Variants in GMDS observed in about 807,000 individuals in gnomAD.
GMDS encodes GDP-mannose 4,6 dehydratase.
Under a neutral mutation model 49.9 loss-of-function variants are expected in GMDS, and 20 were observed. The ratio of observed to expected loss-of-function variants is 0.40; its 90% CI spans 0.28 to 0.58. GMDS has a LOEUF of 0.58. Ranked by LOEUF, GMDS falls within the 20% of genes least tolerant of loss-of-function variation. GMDS has a pLI of 0.42. For synonymous variants in GMDS, 177 were observed against 178.6 expected (o/e 0.99, Z 0.07); for missense variants, 362 against 481.4 (o/e 0.75, Z 2.32).
intron 7 of GMDS, among the ~76,000 whole-genome samples, chr6:1,751,685 G>T (rs1293966083): frequency 1.4e-4 from 21 of 152,130 alleles, no homozygotes; most frequent in Non-Finnish European, 1.5e-5. Context: ...GTAGAGATGA[G>T]GTTTCACCAT....
chr6:1,944,429 T>C (rs1449196809), intron 6 of GMDS, among the ~76,000 whole-genome samples: 9 of 131,694 alleles, frequency 6.8e-5, no homozygotes, highest in South Asian at 4.9e-4. Context: ...GGCGTGAATC[T>C]GGGAGGCAGA....
At chr6:2,027,544 T>G (rs1768675449) in intron 4 of GMDS, among the ~76,000 whole-genome samples, 1 of 152,054 alleles carries the variant, frequency 6.6e-6, no homozygotes, top group Admixed American at 6.6e-5. Flanking sequence ...GGAAGAGAAA[T>G]CATCAACATA....
intron 7 of GMDS, among the ~76,000 whole-genome samples, chr6:1,829,212 G>A (rs959675131): frequency 3.9e-5 from 6 of 152,100 alleles, no homozygotes; most frequent in Non-Finnish European, 7.4e-5. Flanking sequence ...AAGTGAACCT[G>A]CACAGTTCAA....
intron 4 of GMDS, among the ~76,000 whole-genome samples, chr6:2,024,263 T>C (rs539618291): frequency 1.3e-5 from 2 of 152,250 alleles, no homozygotes; most frequent in South Asian, 4.1e-4. Flanking sequence ...ACAGAGAGTT[T>C]ATAACTCACA....
rs3839603 is a variant in GMDS, at chr6:1,913,824, CA to C, written c.771+16278del. 0.011 allele frequency among the ~76,000 whole-genome samples: 1,647 copies of C among 151,840 alleles called. 128 individuals carry two copies. The East Asian group carries it at 0.22, about 20-fold the overall frequency. ...AAGCACTTTTTTTTCTTTATAAAAC[CA>C]AAAAAGTACTAATAGGTCAAACATA... On this transcript the variant is annotated intron_variant, in intron 7 of 10. Transcript: ENST00000380815.
rs1364965503 is a variant in GMDS at position 1,624,069 on chromosome 6, C to T, written c.*100G>A. On this transcript the variant is annotated 3_prime_UTR_variant, in exon 11 of 11. Coordinates refer to ENST00000380815, the MANE Select transcript of GMDS (RefSeq NM_001500.4). ...CAGCGGCAGCAGGGGCCGCAGGGGA[C>T]CCGCAGATTGGCACGCCGCTCCCCA... 9.4e-7 allele frequency: 1 copy of T among 1,063,640 alleles called. No individual in the cohort carries two copies. The highest frequency in any genetic ancestry group is 2.5e-5 in the East Asian group (1 of 40,238). The allele number at this position is 1,063,640 out of a possible 1,614,324, so 65.9% of individuals were successfully genotyped here.
chr6:1,789,481 A>G (rs1252806793), intron 7 of GMDS, among the ~76,000 whole-genome samples: 1 of 150,256 alleles, frequency 6.7e-6, no homozygotes, highest in East Asian at 2.0e-4. Context: ...ATTCTTTATT[A>G]TATAAGTTAG....
intron 4 of GMDS, among the ~76,000 whole-genome samples, chr6:1,997,972 A>G (rs912639245): frequency 1.2e-4 from 18 of 152,312 alleles, no homozygotes; most frequent in African/African-American, 4.1e-4. Context: ...AGGCAGTACA[A>G]GAAGCCTATG....
chr6:2,221,209 A>T (rs1780571147), intron 1 of GMDS, among the ~76,000 whole-genome samples: 1 of 152,066 alleles, frequency 6.6e-6, no homozygotes, highest in Admixed American at 6.5e-5. Flanking sequence ...AAAAAACACA[A>T]AATTGTGGCT....
At chr6:1,955,709 C>T (rs1763598843) in intron 6 of GMDS, among the ~76,000 whole-genome samples, 1 of 150,680 alleles carries the variant, frequency 6.6e-6, no homozygotes, top group Non-Finnish European at 1.5e-5. Flanking sequence ...AGATGTATTA[C>T]ACGGTTCTCA....
rs186731139 is a variant in GMDS at position 1,883,081 on chromosome 6, A to G, written c.771+47022T>C. Among the ~76,000 whole-genome samples, 313 of 152,332 alleles carry G rather than the reference A, an allele frequency of 2.1e-3. 1 individual carries two copies. The highest frequency in any genetic ancestry group is 3.4e-3 in the Non-Finnish European group (234 of 68,020). On this transcript the variant is annotated intron_variant, in intron 7 of 10. Coordinates refer to ENST00000380815, the MANE Select transcript of GMDS (RefSeq NM_001500.4). ...AATTTGTGGCATTAAAAACAAATAT[A>G]TAAGTAGGACTTTGATTTCTTTAAA...
At position 1,716,071 on chromosome 6, in the gene GMDS, C is replaced by A. The variant is rs545552286; in HGVS notation, c.987+10345G>T. 9.8e-5 allele frequency among the ~76,000 whole-genome samples: 15 copies of A among 152,304 alleles called. 1 individual carries two copies. In the South Asian group the frequency reaches 3.1e-3, roughly 32 times the overall value. On this transcript the variant is annotated intron_variant, in intron 9 of 10. Transcript: ENST00000380815. ...TTCTAATACCACTGTGAAAAACATT[C>A]ACACAGAATTAATTTCATTCTCAAC... is the stretch of plus-strand genomic sequence containing the variant.
At chr6:1,866,696 A>G (rs934188997) in intron 7 of GMDS, among the ~76,000 whole-genome samples, 1 of 152,246 alleles carries the variant, frequency 6.6e-6, no homozygotes, top group African/African-American at 2.4e-5. Context: ...TGTTTGGTGA[A>G]GAGCTCTGGG....
At chr6:2,125,436 C>T (rs1014430442) in intron 1 of GMDS, among the ~76,000 whole-genome samples, 17 of 152,008 alleles carry the variant, frequency 1.1e-4, no homozygotes, top group African/African-American at 4.1e-4. Flanking sequence ...CCCAAAACAT[C>T]TTTAAAAATT....
chr6:1,719,705 T>TA (rs1766304350), intron 9 of GMDS, among the ~76,000 whole-genome samples: 3 of 151,950 alleles, frequency 2.0e-5, no homozygotes, highest in Non-Finnish European at 4.4e-5. Flanking sequence ...ATGGAACAGG[T>TA]AATCACACCA....
chr6:2,003,715 C>G (rs1766978306), intron 4 of GMDS, among the ~76,000 whole-genome samples: 1 of 152,080 alleles, frequency 6.6e-6, no homozygotes, highest in South Asian at 2.1e-4. Flanking sequence ...TGTTTTGAAA[C>G]AACTTGCTGT....
chr6:2,130,227 T>C (rs1210316712), intron 1 of GMDS, among the ~76,000 whole-genome samples: 2 of 152,110 alleles, frequency 1.3e-5, no homozygotes, highest in Non-Finnish European at 2.9e-5. Flanking sequence ...ATTAACTAAT[T>C]AGTAGAAAGG....
intron 4 of GMDS, among the ~76,000 whole-genome samples, chr6:1,997,658 A>T (rs1766378533): frequency 6.6e-6 from 1 of 152,084 alleles, no homozygotes; most frequent in Non-Finnish European, 1.5e-5. Flanking sequence ...TTCCCAGGAA[A>T]TACACCTGGA....
chr6:1,749,257 G>A (rs192408677), intron 7 of GMDS, among the ~76,000 whole-genome samples: 42 of 152,216 alleles, frequency 2.8e-4, no homozygotes, highest in African/African-American at 5.8e-4. Context: ...CACAATCTGC[G>A]GTGTTCCTTG....
Sources: gnomAD v4.1 joint callset for allele counts (sites outside exome capture counted in the v4.1 genomes callset) on GRCh38, gnomAD v4.1.1 for gene constraint, MANE v1.5 for transcripts, NCBI Gene and HGNC (gene_info 2026-07-23, HGNC 2026-07-21) for gene names.